SCML2: variants seen among roughly 807,000 people sequenced by gnomAD.
SCML2 encodes sex comb on midleg-like protein 2.
A neutral mutation model predicts 48.4 loss-of-function variants in SCML2; 6 were observed. The ratio of observed to expected loss-of-function variants is 0.12; its 90% CI spans 0.07 to 0.24. The LOEUF (loss-of-function observed/expected upper bound fraction) is 0.24. SCML2 is among the 10% of genes least tolerant of loss of function. SCML2 has a pLI of 1.00. For synonymous variants in SCML2, 181 were observed against 189.5 expected (o/e 0.95, Z 0.37); for missense variants, 377 against 528.2 (o/e 0.71, Z 2.81).
At chrX:18,270,462 G>A (rs755826304) in intron 7 of SCML2, among the ~76,000 whole-genome samples, 1 of 111,392 alleles carries the variant, frequency 9.0e-6, no homozygotes. Flanking sequence ...ACATGCAGGA[G>A]TGAAGTGATG....
intron 7 of SCML2, among the ~76,000 whole-genome samples, chrX:18,286,069 C>T (rs1189162188): frequency 1.8e-5 from 2 of 111,502 alleles, no homozygotes; most frequent in Non-Finnish European, 3.8e-5. Context: ...TCCTTATATA[C>T]CAAAATATTA....
chrX:18,346,557 G>A (rs5909455), intron 1 of SCML2, among the ~76,000 whole-genome samples: 35,192 of 110,990 alleles, frequency 0.32, 4,620 homozygotes, highest in Non-Finnish European at 0.41. Flanking sequence ...AATAAGTGAC[G>A]GAAGTTATTA....
chrX:18,326,278 T>C (rs1404970964), intron 3 of SCML2, among the ~76,000 whole-genome samples: 1 of 112,226 alleles, frequency 8.9e-6, no homozygotes, highest in East Asian at 2.8e-4. Context: ...GGTTAATAGA[T>C]CTAAGAGACC....
At chrX:18,320,479 G>C in intron 5 of SCML2, 59 bp from the exon 6 acceptor site, 1 of 728,482 alleles carries the variant, frequency 1.4e-6, no homozygotes, top group Non-Finnish European at 2.0e-6. Context: ...CTATTAACAA[G>C]TTGGTATAAA....
intron 6 of SCML2, among the ~76,000 whole-genome samples, chrX:18,306,277 T>A (rs1383166926): frequency 4.5e-5 from 5 of 110,822 alleles, no homozygotes; most frequent in Non-Finnish European, 9.4e-5. Context: ...CACTTACCCA[T>A]AATTCAATTA....
At chrX:18,243,169 G>C (rs1926330576) in intron 13 of SCML2, among the ~76,000 whole-genome samples, 1 of 111,371 alleles carries the variant, frequency 9.0e-6, no homozygotes. Context: ...GACCTCCCAG[G>C]CTCAAGTGAT....
intron 7 of SCML2, among the ~76,000 whole-genome samples, chrX:18,269,406 G>A (rs1927373001): frequency 8.9e-6 from 1 of 111,773 alleles, no homozygotes; most frequent in African/African-American, 3.3e-5. Flanking sequence ...TGTGAAGAAG[G>A]TGCCTTGCTT....
At chrX:18,245,731 CCTTT>C (rs1408940045) in intron 13 of SCML2, among the ~76,000 whole-genome samples, 8 of 111,577 alleles carry the variant, frequency 7.2e-5, no homozygotes, top group Admixed American at 9.5e-5. Flanking sequence ...CGTTTTGGCT[CCTTT>C]CTTTCTTTCT....
At chrX:18,256,807 T>C (rs763220771) in intron 11 of SCML2, 41 bp downstream of exon 11, 3 of 1,034,466 alleles carry the variant, frequency 2.9e-6, no homozygotes, top group Non-Finnish European at 3.8e-6. Flanking sequence ...CACAAGATTC[T>C]CAAGTGAAAC....
chrX:18,251,243 G>A (rs1213947775), intron 11 of SCML2, among the ~76,000 whole-genome samples: 3 of 97,063 alleles, frequency 3.1e-5, no homozygotes, highest in South Asian at 5.8e-4. Flanking sequence ...ACTGGTGGCA[G>A]AGGTTGCGGT....
chrX:18,282,725 A>G (rs1449189915), intron 7 of SCML2, among the ~76,000 whole-genome samples: 3 of 111,435 alleles, frequency 2.7e-5, no homozygotes, highest in Non-Finnish European at 5.6e-5. Context: ...GAAACAAACA[A>G]TCTCCCAAGA....
rs1436724617 is a variant in SCML2 at position 18,323,962 on chromosome X, A to G, written c.294T>C (p.Asp98=). ...AAAAATCATTTCTGTTGTCACTACC[A>G]TCCAGTCGTAACCGTAACCTGGCCC... The part of the protein sequence containing the change: ...ITGARLRLRL[D]GSDNRNDFWR... The change falls in exon 5 of 15, where the codon GAT becomes GAC. Residue 98 remains aspartate, a synonymous_variant. Transcript: ENST00000251900. 2.5e-6 allele frequency: 3 copies of G among 1,208,940 alleles called. No homozygotes were observed. The highest frequency in any genetic ancestry group is 3.5e-5 in the African/African-American group (2 of 57,022).
intron 7 of SCML2, among the ~76,000 whole-genome samples, chrX:18,291,652 A>G (rs1928235913): frequency 9.0e-6 from 1 of 111,576 alleles, no homozygotes; most frequent in Admixed American, 9.6e-5. Flanking sequence ...CGACCTTAAA[A>G]TATTTTGGAA....
At chrX:18,296,269 A>G (rs938103712) in intron 7 of SCML2, among the ~76,000 whole-genome samples, 1 of 110,593 alleles carries the variant, frequency 9.0e-6, no homozygotes, top group Non-Finnish European at 1.9e-5. Context: ...ATAGCATAAA[A>G]AGAACCAAAG....
In SCML2 at chrX:18,281,667, G is replaced by A. The variant is rs759612125; in HGVS notation, c.731-15865C>T. 1.0e-4 allele frequency among the ~76,000 whole-genome samples: 10 copies of A among 95,855 alleles called. No homozygotes were observed. The East Asian group carries it at 2.3e-3, about 22-fold the overall frequency. 83.2% of individuals were successfully genotyped at this position (95,855 alleles called of 115,157 possible). A position where few individuals can be genotyped will look rare whatever the true frequency, so the allele number is the denominator to read the frequency against. On this transcript the variant is annotated intron_variant, in intron 7 of 14. Transcript: ENST00000251900. ...GCGGAGGTTGCAGTGAGCTGAGATC[G>A]CACCACTGCATTCCAGCCTGGGGGA...
chrX:18,318,525 T>C (rs889192253), intron 6 of SCML2, among the ~76,000 whole-genome samples: 1 of 112,682 alleles, frequency 8.9e-6, no homozygotes, highest in Non-Finnish European at 1.9e-5. Context: ...TAAACTACTT[T>C]GGAAATTTTT....
intron 13 of SCML2, among the ~76,000 whole-genome samples, chrX:18,244,167 C>T (rs1249403043): frequency 1.8e-5 from 2 of 111,687 alleles, no homozygotes. Flanking sequence ...GTCATATCTA[C>T]AGAGAAATTC....
intron 8 of SCML2, among the ~76,000 whole-genome samples, 154 bp from the exon 9 acceptor site, chrX:18,260,445 C>A (rs1324402865): frequency 9.0e-6 from 1 of 111,285 alleles, no homozygotes; most frequent in East Asian, 2.8e-4. Flanking sequence ...TCATGAACTG[C>A]AGAACTTTCC....
intron 2 of SCML2, 92 bp downstream of exon 2, chrX:18,333,958 A>G (rs1253475646): frequency 8.4e-6 from 7 of 828,476 alleles, no homozygotes; most frequent in Non-Finnish European, 1.2e-5. Flanking sequence ...TTTATTTTTT[A>G]AAGGCTTTAT....
Sources: gnomAD v4.1 joint callset for allele counts (sites outside exome capture counted in the v4.1 genomes callset) on GRCh38, gnomAD v4.1.1 for gene constraint, MANE v1.5 for transcripts, NCBI Gene and HGNC (gene_info 2026-07-23, HGNC 2026-07-21) for gene names.